Variants in DCAF6 observed in about 807,000 individuals in gnomAD.
The protein encoded by DCAF6 is DDB1- and CUL4-associated factor 6.
In DCAF6, 54 loss-of-function variants were observed where a neutral mutation model predicts 125.1. The observed-to-expected ratio is 0.43, with a 90% CI of 0.35 to 0.54. DCAF6 has a LOEUF of 0.54. Ranked by LOEUF, DCAF6 falls within the 20% of genes least tolerant of loss-of-function variation. DCAF6 has a pLI of 0.01. For synonymous variants in DCAF6, 371 were observed against 390.4 expected (o/e 0.95, Z 0.58); for missense variants, 934 against 1,161.7 (o/e 0.80, Z 2.85).
At chr1:167,985,659 A>C (rs1017479235) in intron 4 of DCAF6, among the ~76,000 whole-genome samples, 2 of 152,216 alleles carry the variant, frequency 1.3e-5, no homozygotes, top group Admixed American at 6.5e-5. Flanking sequence ...AGGTTCTAAC[A>C]AATAGGATGT....
chr1:167,920,662 T>C, the DCAF6 span: 8 of 1,592,806 alleles, frequency 5.0e-6, no homozygotes, highest in Non-Finnish European at 6.8e-6. Flanking sequence ...AGAAAAAAAG[T>C]ATCACAAATG....
intron 12 of DCAF6, among the ~76,000 whole-genome samples, chr1:168,024,351 C>T (rs1027867383): frequency 1.3e-5 from 2 of 151,830 alleles, no homozygotes; most frequent in African/African-American, 4.8e-5. Context: ...TGAAAGTTTA[C>T]ATATTAGATG....
the DCAF6 span, chr1:167,902,073 AT>A: frequency 6.3e-7 from 1 of 1,582,376 alleles, no homozygotes; most frequent in Non-Finnish European, 8.7e-7. Flanking sequence ...AAAAAAAAAA[AT>A]TAAATCAAAC....
At chr1:168,015,992 T>C (rs765117966) in intron 11 of DCAF6, 41 bp downstream of exon 11, 2 of 1,396,304 alleles carry the variant, frequency 1.4e-6, no homozygotes, top group African/African-American at 3.0e-5. Context: ...GATAGAATTG[T>C]TTTTTAATAC....
intron 2 of DCAF6, among the ~76,000 whole-genome samples, chr1:167,965,966 G>A (rs1676356201): frequency 6.6e-6 from 1 of 152,036 alleles, no homozygotes; most frequent in Admixed American, 6.6e-5. Context: ...CAGACTTAAC[G>A]CTTTCTGAAC....
At chr1:167,874,293 T>G in the DCAF6 span, among the ~76,000 whole-genome samples, 1 of 152,174 alleles carries the variant, frequency 6.6e-6, no homozygotes, top group Non-Finnish European at 1.5e-5. Flanking sequence ...ATTGCTCCTT[T>G]GTACTCCAGC....
At chr1:168,036,144 TAGAA>T (rs1687779309) in intron 12 of DCAF6, among the ~76,000 whole-genome samples, 1 of 152,226 alleles carries the variant, frequency 6.6e-6, no homozygotes, top group Non-Finnish European at 1.5e-5. Flanking sequence ...TTAACCATCT[TAGAA>T]AGCTTCTTGC....
intron 4 of DCAF6, among the ~76,000 whole-genome samples, chr1:167,985,322 G>A (rs1679843390): frequency 6.6e-6 from 1 of 152,066 alleles, no homozygotes; most frequent in Non-Finnish European, 1.5e-5. Flanking sequence ...GGTGTACTGG[G>A]CTAAAATCGA....
intron 4 of DCAF6, among the ~76,000 whole-genome samples, chr1:167,985,565 A>G (rs1326724706): frequency 6.6e-6 from 1 of 152,108 alleles, no homozygotes; most frequent in East Asian, 1.9e-4. Context: ...TCTGTGGATA[A>G]TTTAGGATAA....
chr1:167,934,173 T>C (rs1215959948), upstream of DCAF6, among the ~76,000 whole-genome samples: 1 of 152,204 alleles, frequency 6.6e-6, no homozygotes, highest in Non-Finnish European at 1.5e-5. Context: ...GAAAGCTGAG[T>C]AGTATTTTAA....
At chr1:168,070,818 A>C (rs1692927384) in intron 21 of DCAF6, among the ~76,000 whole-genome samples, 1 of 152,204 alleles carries the variant, frequency 6.6e-6, no homozygotes, top group South Asian at 2.1e-4. Flanking sequence ...AGAATGTCTT[A>C]GAATCACTTT....
the DCAF6 span, chr1:167,875,320 C>T: frequency 1.4e-5 from 12 of 838,340 alleles, 1 homozygote; most frequent in East Asian, 1.6e-4. Context: ...ACTCACGGGT[C>T]GCAAACGCCA....
intron 11 of DCAF6, among the ~76,000 whole-genome samples, chr1:168,018,320 G>A (rs1479792462): frequency 1.3e-5 from 2 of 152,200 alleles, no homozygotes; most frequent in African/African-American, 4.8e-5. Flanking sequence ...GTTTCAAACT[G>A]TTTAAAATGA....
At chr1:167,944,737 T>C (rs1011828185) in intron 1 of DCAF6, among the ~76,000 whole-genome samples, 1 of 152,254 alleles carries the variant, frequency 6.6e-6, no homozygotes, top group African/African-American at 2.4e-5. Flanking sequence ...GCAGATATTT[T>C]CTGTCATTCA....
chr1:168,048,572 G>C (rs1689425341), intron 16 of DCAF6, among the ~76,000 whole-genome samples: 1 of 152,134 alleles, frequency 6.6e-6, no homozygotes, highest in Non-Finnish European at 1.5e-5. Context: ...TTTGGGCTGA[G>C]ATCAAGCATG....
the DCAF6 span, among the ~76,000 whole-genome samples, chr1:167,866,530 CAAAA>C: frequency 8.1e-5 from 9 of 110,772 alleles, no homozygotes; most frequent in Middle Eastern, 5.2e-3. Flanking sequence ...CTCTATGTGC[CAAAA>C]AAAAAAAAAA....
chr1:167,905,107 G>C, the DCAF6 span: 1 of 1,614,076 alleles, frequency 6.2e-7, no homozygotes, highest in African/African-American at 1.3e-5. Flanking sequence ...CTGACTATGG[G>C]CCAGTCCTGG....
chr1:167,888,368 A>C, the DCAF6 span, among the ~76,000 whole-genome samples: 1 of 152,276 alleles, frequency 6.6e-6, no homozygotes, highest in Non-Finnish European at 1.5e-5. Flanking sequence ...TGCTTTGGGT[A>C]GTATGAACAT....
the DCAF6 span, chr1:167,904,979 C>A: frequency 3.7e-6 from 6 of 1,614,168 alleles, no homozygotes; most frequent in Non-Finnish European, 5.1e-6. Context: ...AACAAACATC[C>A]CTTTTGCACT....
Sources: gnomAD v4.1 joint callset for allele counts (sites outside exome capture counted in the v4.1 genomes callset) on GRCh38, gnomAD v4.1.1 for gene constraint, MANE v1.5 for transcripts, NCBI Gene and HGNC (gene_info 2026-07-23, HGNC 2026-07-21) for gene names.